LRP1B: variants seen among roughly 807,000 people sequenced by gnomAD.
LRP1B encodes the protein LDL receptor related protein 1B.
Under a neutral mutation model 556.6 loss-of-function variants are expected in LRP1B, and 217 were observed. That is an observed-to-expected ratio of 0.39 (90% CI 0.35 to 0.44). LRP1B has a LOEUF of 0.44. LRP1B is among the 20% of genes least tolerant of loss of function. The pLI is 1.00. For synonymous variants in LRP1B, 2,047 were observed against 1,865.8 expected (o/e 1.10, Z -2.50); for missense variants, 5,053 against 5,620.8 (o/e 0.90, Z 3.23).
At chr2:140,677,943 A>G (rs1002606100) in intron 41 of LRP1B, among the ~76,000 whole-genome samples, 3 of 151,836 alleles carry the variant, frequency 2.0e-5, no homozygotes, top group Non-Finnish European at 4.4e-5. Context: ...AATGAGTGGC[A>G]TTGTTCTATG....
chr2:140,761,840 G>A (rs1220789790), intron 35 of LRP1B, among the ~76,000 whole-genome samples: 2 of 152,090 alleles, frequency 1.3e-5, no homozygotes, highest in African/African-American at 4.8e-5. Flanking sequence ...GACATTATAA[G>A]CATTGTTTTG....
At chr2:140,365,628 A>G (rs1558832167) in intron 71 of LRP1B, among the ~76,000 whole-genome samples, 1 of 151,718 alleles carries the variant, frequency 6.6e-6, no homozygotes, top group South Asian at 2.1e-4. Flanking sequence ...ATATGTTATA[A>G]AAGAGGTACA....
intron 2 of LRP1B, among the ~76,000 whole-genome samples, chr2:141,546,921 A>C (rs10170114): frequency 0.97 from 148,086 of 152,236 alleles, 72,156 homozygotes; most frequent in East Asian, 1. Context: ...ACAAAGCATT[A>C]TTTCATATTG....
intron 7 of LRP1B, among the ~76,000 whole-genome samples, chr2:141,159,323 G>A (rs1017227335): frequency 7.2e-5 from 11 of 152,198 alleles, no homozygotes; most frequent in Middle Eastern, 3.4e-3. Context: ...TTTAATTAGG[G>A]CAGTATATGC....
chr2:140,778,213 T>C (rs941165103), intron 32 of LRP1B, among the ~76,000 whole-genome samples: 3 of 152,144 alleles, frequency 2.0e-5, no homozygotes, highest in Admixed American at 1.3e-4. Context: ...GCAAAAAGAA[T>C]TAGCTACTTT....
intron 6 of LRP1B, among the ~76,000 whole-genome samples, chr2:141,219,452 T>C (rs977521788): frequency 6.6e-6 from 1 of 152,208 alleles, no homozygotes; most frequent in Non-Finnish European, 1.5e-5. Flanking sequence ...CTGATATTCC[T>C]GGGAAGGAGA....
At chr2:140,822,092 T>C (rs903506975) in intron 31 of LRP1B, among the ~76,000 whole-genome samples, 3 of 152,110 alleles carry the variant, frequency 2.0e-5, no homozygotes, top group Non-Finnish European at 4.4e-5. Context: ...TGAAGGGTAA[T>C]GTTGATTGAC....
intron 7 of LRP1B, among the ~76,000 whole-genome samples, chr2:141,111,917 G>A (rs1700762542): frequency 6.6e-6 from 1 of 151,890 alleles, no homozygotes; most frequent in Non-Finnish European, 1.5e-5. Flanking sequence ...ATGGTGGTAT[G>A]CACCTGTAGT....
intron 73 of LRP1B, 32 bp downstream of exon 73, chr2:140,358,789 T>C (rs747541265): frequency 2.0e-5 from 32 of 1,601,914 alleles, no homozygotes; most frequent in Non-Finnish European, 2.6e-5. Context: ...CTCATAGCCA[T>C]CACTGAATTA....
intron 46 of LRP1B, among the ~76,000 whole-genome samples, chr2:140,535,512 C>T (rs1438972101): frequency 6.6e-6 from 1 of 152,030 alleles, no homozygotes; most frequent in Non-Finnish European, 1.5e-5. Context: ...CTGTCTTTCT[C>T]TTATTCTAAC....
At chr2:141,794,224 A>G (rs1239074291) in intron 2 of LRP1B, among the ~76,000 whole-genome samples, 5 of 152,000 alleles carry the variant, frequency 3.3e-5, no homozygotes, top group Middle Eastern at 3.4e-3. Context: ...GGACATGGCT[A>G]ATGAAAACTC....
chr2:141,202,324 C>A (rs1023771044), intron 6 of LRP1B, among the ~76,000 whole-genome samples: 7 of 150,024 alleles, frequency 4.7e-5, no homozygotes, highest in Non-Finnish European at 9.0e-5. Flanking sequence ...AATTGATAAG[C>A]ATTAAGGTTG....
chr2:141,168,856 T>A (rs1233200434), intron 7 of LRP1B, among the ~76,000 whole-genome samples: 1 of 151,966 alleles, frequency 6.6e-6, no homozygotes, highest in East Asian at 1.9e-4. Context: ...TTGTGAAGAT[T>A]AGATCAATAA....
intron 2 of LRP1B, among the ~76,000 whole-genome samples, chr2:141,626,182 T>G (rs970097458): frequency 9.2e-5 from 14 of 152,118 alleles, no homozygotes; most frequent in African/African-American, 1.2e-4. Flanking sequence ...AATTGACTTT[T>G]GACAAAGGAG....
Position 140,692,777 on chromosome 2 carries a change from CAA to C in LRP1B, c.6799+7471_6799+7472del, listed in dbSNP as rs147710518. On this transcript the variant is annotated intron_variant, in intron 41 of 90. Transcript: ENST00000389484. ...TTAAATTTCTACATAGCTTCTGCTG[CAA>C]AGAGTTTTTAATTTCAATGAGATAA... Among the ~76,000 whole-genome samples, 3,161 of 152,144 alleles carry C rather than the reference CAA, an allele frequency of 0.021. 191 individuals are homozygous for C. In the East Asian group the frequency reaches 0.23, roughly 11 times the overall value.
At chr2:141,676,161 G>A (rs1045730326) in intron 2 of LRP1B, among the ~76,000 whole-genome samples, 4 of 151,878 alleles carry the variant, frequency 2.6e-5, no homozygotes, top group African/African-American at 7.3e-5. Flanking sequence ...TTTTTGTAAT[G>A]TGATATTATA....
At chr2:141,341,477 CTA>C (rs1166445631) in intron 3 of LRP1B, among the ~76,000 whole-genome samples, 6 of 152,166 alleles carry the variant, frequency 3.9e-5, no homozygotes, top group Admixed American at 6.5e-5. Context: ...CTCCCTCTCT[CTA>C]TGATGTATGA....
At chr2:141,903,590 A>T (rs1333880093) in intron 1 of LRP1B, among the ~76,000 whole-genome samples, 4 of 151,974 alleles carry the variant, frequency 2.6e-5, no homozygotes, top group East Asian at 3.9e-4. Context: ...ATTTTTAATT[A>T]AAAAAATACT....
chr2:141,497,250 G>A (rs771878108), intron 2 of LRP1B, among the ~76,000 whole-genome samples: 6 of 152,056 alleles, frequency 3.9e-5, no homozygotes, highest in Admixed American at 1.3e-4. Flanking sequence ...GAGAGTTTAT[G>A]TATCTGGGAA....
Sources: allele counts gnomAD v4.1 joint callset (sites outside exome capture counted in the v4.1 genomes callset), GRCh38; gene constraint gnomAD v4.1.1; transcripts MANE v1.5; gene names NCBI Gene and HGNC (gene_info 2026-07-23, HGNC 2026-07-21).